The following RYR2 variants were observed in gnomAD, a reference collection of about 807,000 sequenced individuals.
RYR2 encodes cardiac muscle ryanodine receptor-calcium release channel.
Under a neutral mutation model 601.1 loss-of-function variants are expected in RYR2, and 227 were observed. The observed-to-expected ratio is 0.38, with a 90% CI of 0.34 to 0.42. The LOEUF (loss-of-function observed/expected upper bound fraction) is 0.42. Among genes scored for constraint, RYR2 ranks in the 10% least tolerant of loss-of-function variants. The pLI, the probability that RYR2 is intolerant of heterozygous loss-of-function variation, is 1.00. For synonymous variants in RYR2, 2,223 were observed against 2,175.1 expected (o/e 1.02, Z -0.61); for missense variants, 4,646 against 6,156.5 (o/e 0.75, Z 8.21).
chr1:237,666,615 A>C (rs745739532), intron 57 of RYR2, 26 bp downstream of exon 57: 8 of 1,562,890 alleles, frequency 5.1e-6, no homozygotes, highest in Admixed American at 3.5e-5. Context: ...TTTTAAAAAT[A>C]GTCTCCAAAT....
At chr1:237,774,701 C>G (rs569929922) in intron 87 of RYR2, among the ~76,000 whole-genome samples, 1 of 152,264 alleles carries the variant, frequency 6.6e-6, no homozygotes, top group South Asian at 2.1e-4. Context: ...CTCCTGGCTT[C>G]CATTATTGCC....
rs1294684052 is a variant in RYR2, at chr1:237,832,904, G to A, written c.*257G>A. On this transcript the variant is annotated 3_prime_UTR_variant, in exon 105 of 105. Transcript: ENST00000366574. Reference sequence around the variant, plus strand: ...GAATTCTGGAAAGAAAACCATTCTGGACACTGTCATAACACACATAGATAG... The same window carrying A: ...GAATTCTGGAAAGAAAACCATTCTGAACACTGTCATAACACACATAGATAG... The A allele has an allele frequency of 1.5e-5, 5 of 340,098 alleles. No homozygotes were observed. Among genetic ancestry groups the A allele is most frequent in the Non-Finnish European group, 2.7e-5 (5 of 183,268 alleles). 21.1% of individuals were successfully genotyped at this position (340,098 alleles called of 1,614,324 possible). A position where few individuals can be genotyped will look rare whatever the true frequency, so the allele number is the denominator to read the frequency against.
chr1:237,121,877 T>G (rs541551072), intron 1 of RYR2, among the ~76,000 whole-genome samples: 2 of 152,324 alleles, frequency 1.3e-5, no homozygotes, highest in Non-Finnish European at 2.9e-5. Flanking sequence ...AAAGTCTCTC[T>G]TAGTATCCTT....
At chr1:237,121,869 A>G (rs1380854387) in intron 1 of RYR2, among the ~76,000 whole-genome samples, 1 of 152,216 alleles carries the variant, frequency 6.6e-6, no homozygotes, top group Non-Finnish European at 1.5e-5. Context: ...TATTTGATAA[A>G]GTCTCTCTTA....
At chr1:237,157,155 G>T (rs1196584623) in intron 1 of RYR2, among the ~76,000 whole-genome samples, 1 of 151,910 alleles carries the variant, frequency 6.6e-6, no homozygotes, top group East Asian at 1.9e-4. Flanking sequence ...AATTAGTTGG[G>T]TGTGGTGGTG....
intron 60 of RYR2, among the ~76,000 whole-genome samples, chr1:237,677,632 A>G (rs1203923173): frequency 1.3e-5 from 2 of 152,176 alleles, no homozygotes; most frequent in Non-Finnish European, 2.9e-5. Flanking sequence ...AATCTTTATT[A>G]TTAGAGGCCA....
intron 33 of RYR2, among the ~76,000 whole-genome samples, chr1:237,594,331 G>A (rs1675560800): frequency 6.6e-6 from 1 of 152,080 alleles, no homozygotes; most frequent in South Asian, 2.1e-4. Flanking sequence ...CCTTTATAAC[G>A]TTGCTTTTCT....
chr1:237,066,025 T>C (rs1298180799), intron 1 of RYR2, among the ~76,000 whole-genome samples: 4 of 152,084 alleles, frequency 2.6e-5, no homozygotes, highest in East Asian at 3.9e-4. Flanking sequence ...ACCTCCAACA[T>C]TGGGGATTAC....
chr1:237,788,762 C>T (rs1657966146), intron 92 of RYR2, among the ~76,000 whole-genome samples: 1 of 152,034 alleles, frequency 6.6e-6, no homozygotes, highest in Non-Finnish European at 1.5e-5. Flanking sequence ...CAGAGGTGTT[C>T]CCCTAATTAG....
intron 100 of RYR2, among the ~76,000 whole-genome samples, chr1:237,816,774 C>T (rs1482707024): frequency 6.6e-6 from 1 of 152,140 alleles, no homozygotes; most frequent in African/African-American, 2.4e-5. Context: ...AACAGTATGC[C>T]TGAGTATATG....
In RYR2 at chr1:237,801,863, T is replaced by G. The variant is rs766629125; in HGVS notation, c.14098T>G (p.Ser4700Ala). The G allele has an allele frequency of 2.0e-5, 31 of 1,584,666 alleles. No homozygotes were observed. Among genetic ancestry groups the G allele is most frequent in the East Asian group, 1.1e-4 (5 of 44,580 alleles). ...KDSSLSAVLN[S>A]IDVKYQMWKL... ...TTTTTTTTGTCATTGCAGACTGAACTCCATTGATGTGAAGTATCAGATGTG... is the reference window on the plus strand; with the variant it reads ...TTTTTTTTGTCATTGCAGACTGAACGCCATTGATGTGAAGTATCAGATGTG... Residue 4700 changes from serine (S) to alanine (A), a missense_variant, in exon 98 of 105, where the codon TCC (serine) becomes GCC (alanine). Ser to Ala is a moderately conservative substitution (Grantham distance 99, BLOSUM62 1). Transcript: ENST00000366574.
At chr1:237,061,529 C>G (rs555481621) in intron 1 of RYR2, among the ~76,000 whole-genome samples, 1 of 152,282 alleles carries the variant, frequency 6.6e-6, no homozygotes, top group South Asian at 2.1e-4. Context: ...CAAGGCTAGT[C>G]TCAATCTCCT....
chr1:237,694,250 T>C (rs1687212392), intron 63 of RYR2, among the ~76,000 whole-genome samples: 1 of 146,860 alleles, frequency 6.8e-6, no homozygotes, highest in Admixed American at 7.0e-5. Flanking sequence ...GCCGAGATCA[T>C]GCCAGTGCAC....
At chr1:237,499,501 G>A (rs1380468447) in intron 20 of RYR2, among the ~76,000 whole-genome samples, 2 of 152,030 alleles carry the variant, frequency 1.3e-5, no homozygotes, top group Admixed American at 6.6e-5. Context: ...AAATAACATC[G>A]CTATTAGCTA....
chr1:237,756,369 A>T lies in RYR2; in HGVS notation c.11227A>T (p.Thr3743Ser). The T allele has an allele frequency of 6.2e-7, 1 of 1,611,938 alleles. No individual in the cohort carries two copies. The highest frequency in any genetic ancestry group is 8.5e-7 in the Non-Finnish European group (1 of 1,178,494). Residue 3743 changes from threonine (T) to serine (S), a missense_variant, in exon 81 of 105, where the codon ACA becomes TCA. This residue lies in a region of RYR2 where 1,497 missense variants were observed against 1,842.6 expected (regional missense o/e 0.81). Transcript: ENST00000366574. ...TGGCGCGGCTGAGATGGTGCTACAG[A>T]CAATCAGTGCCAGCAAAGGTAAGGT... Reference protein sequence around the residue: ...DRGAAEMVLQTISASKGETGP... With the variant: ...DRGAAEMVLQSISASKGETGP...
chr1:237,396,030 G>A (rs547622497), intron 10 of RYR2, among the ~76,000 whole-genome samples: 18 of 152,238 alleles, frequency 1.2e-4, no homozygotes, highest in African/African-American at 2.6e-4. Context: ...CTATTGTTTC[G>A]TATTTGTGAA....
At chr1:237,331,099 A>T in intron 3 of RYR2, 117 bp downstream of exon 3, 1 of 827,574 alleles carries the variant, frequency 1.2e-6, no homozygotes, top group Non-Finnish European at 2.1e-6. Flanking sequence ...CATGCCTTTC[A>T]GTTGGAATGT....
At chr1:237,128,671 C>T (rs192688811) in intron 1 of RYR2, among the ~76,000 whole-genome samples, 73 of 152,154 alleles carry the variant, frequency 4.8e-4, no homozygotes, top group African/African-American at 1.7e-3. Flanking sequence ...GTAAGGCCAC[C>T]GTGGCTGCCA....
rs569308017 is a variant in RYR2, at chr1:237,338,148, A to AT, written c.273+7167dup. On this transcript the variant is annotated intron_variant, in intron 3 of 104. Transcript: ENST00000366574. ...GTGCCATTATGTGGGCTACCCTATC[A>AT]TGGATGTGCTGAGCTCGAGTAAGAT... Among the ~76,000 whole-genome samples, 6 of 152,268 alleles carry AT rather than the reference A, an allele frequency of 3.9e-5. No individual in the cohort carries two copies. In the East Asian group the frequency reaches 1.2e-3, roughly 29 times the overall value.
Sources: allele counts gnomAD v4.1 joint callset (sites outside exome capture counted in the v4.1 genomes callset), GRCh38; gene constraint gnomAD v4.1.1; regional missense constraint gnomAD v4.1.1; transcripts MANE v1.5; gene names NCBI Gene and HGNC (gene_info 2026-07-23, HGNC 2026-07-21).